GTF2IRD1: variants seen among roughly 807,000 people sequenced by gnomAD.
GTF2IRD1 encodes the protein general transcription factor II-I repeat domain-containing protein 1.
GTF2IRD1 carries 26 observed loss-of-function variants against 113.2 expected under a neutral mutation model. That is an observed-to-expected ratio of 0.23 (90% CI 0.17 to 0.32). The LOEUF (loss-of-function observed/expected upper bound fraction) is 0.32. GTF2IRD1 is among the 10% of genes least tolerant of loss of function. The pLI is 1.00. For missense variants in GTF2IRD1, 864 were observed against 1,280.8 expected, an observed-to-expected ratio of 0.67 and a Z score of 4.97; for synonymous variants, 484 against 529.1, an observed-to-expected ratio of 0.91 and a Z score of 1.17.
chr7:74,485,050 G>C lies in GTF2IRD1; in HGVS notation c.-6-23025G>C, dbSNP rs1471581092. Among the ~76,000 whole-genome samples the C allele has an allele frequency of 4.2e-4, 64 of 152,146 alleles. 1 individual carries two copies. On this transcript the variant is annotated intron_variant, in intron 1 of 26. Coordinates refer to ENST00000424337, the MANE Select transcript of GTF2IRD1 (RefSeq NM_005685.4). ...CCCACTGAGACTTCTTCTGGCCTCA[G>C]ATGCGTGGGTGGGAGACATGCCACC...
At chr7:74,501,619 G>C (rs1584535042) in intron 1 of GTF2IRD1, among the ~76,000 whole-genome samples, 1 of 152,216 alleles carries the variant, frequency 6.6e-6, no homozygotes, top group African/African-American at 2.4e-5. Flanking sequence ...TAAGGTGGTG[G>C]ATGGGGGAGG....
chr7:74,524,299 G>T, intron 8 of GTF2IRD1, 145 bp downstream of exon 8: 1 of 610,014 alleles, frequency 1.6e-6, no homozygotes. Context: ...CATCCGTCGC[G>T]GGCTCCTCCT....
chr7:74,460,578 G>A (rs1793296406), intron 1 of GTF2IRD1, among the ~76,000 whole-genome samples: 1 of 152,036 alleles, frequency 6.6e-6, no homozygotes, highest in Non-Finnish European at 1.5e-5. Flanking sequence ...TGGCTCGAGG[G>A]TCTAGATCTC....
At chr7:74,530,586 TAA>T (rs58675988) in intron 9 of GTF2IRD1, among the ~76,000 whole-genome samples, 31 of 38,960 alleles carry the variant, frequency 8.0e-4, no homozygotes, top group Non-Finnish European at 1.2e-3. Flanking sequence ...CCCTGTTTCT[TAA>T]AAAAAAAAAA....
chr7:74,570,569 G>A (rs1311487222), intron 22 of GTF2IRD1, among the ~76,000 whole-genome samples: 9 of 151,978 alleles, frequency 5.9e-5, no homozygotes, highest in Non-Finnish European at 1.2e-4. Flanking sequence ...AGGGAGGATC[G>A]CTTGAGCCCA....
intron 8 of GTF2IRD1, among the ~76,000 whole-genome samples, chr7:74,528,750 G>GATGGATGGATGA (rs1554347803): frequency 8.3e-6 from 1 of 120,594 alleles, no homozygotes; most frequent in African/African-American, 3.3e-5. Context: ...TGGATGGATG[G>GATGGATGGATGA]ATGGATGAAT....
In GTF2IRD1 at chr7:74,508,058, C is replaced by A; in HGVS notation, c.-6-17C>A. On this transcript the variant is annotated splice_polypyrimidine_tract_variant and intron_variant, in intron 1 of 26. Transcript: ENST00000424337. ...CCTGCCTTGTGCCCACCACCACTGC[C>A]TCCTCCCTCCCCACAGGCGACCATG... The A allele has an allele frequency of 6.3e-7, 1 of 1,597,638 alleles. No homozygotes were observed. Among genetic ancestry groups the A allele is most frequent in the South Asian group, 1.1e-5 (1 of 89,700 alleles).
At chr7:74,574,150 A>ATTTTTT (rs71094796) in intron 22 of GTF2IRD1, among the ~76,000 whole-genome samples, 28 of 104,816 alleles carry the variant, frequency 2.7e-4, no homozygotes, top group African/African-American at 3.3e-4. Context: ...CACCAAGCTA[A>ATTTTTT]TTTTTTTTTT....
chr7:74,471,701 A>AAAAAAAAAAAAAAC (rs1554332421), intron 1 of GTF2IRD1, among the ~76,000 whole-genome samples: 1 of 134,708 alleles, frequency 7.4e-6, no homozygotes, highest in South Asian at 2.3e-4. Flanking sequence ...AAAAAAAAAA[A>AAAAAAAAAAAAAAC]CAAAAAAAAC....
chr7:74,548,760 T>C (rs1204134055), intron 17 of GTF2IRD1, among the ~76,000 whole-genome samples: 3 of 151,758 alleles, frequency 2.0e-5, no homozygotes, highest in African/African-American at 7.3e-5. Context: ...TTAAATTAGC[T>C]GGGCATGATG....
chr7:74,466,381 G>A (rs1192757082), intron 1 of GTF2IRD1, among the ~76,000 whole-genome samples: 3 of 152,130 alleles, frequency 2.0e-5, no homozygotes, highest in African/African-American at 7.2e-5. Flanking sequence ...TTGGCTCCAG[G>A]TAAAGATCTG....
At chr7:74,458,855 A>G (rs879987875) in intron 1 of GTF2IRD1, among the ~76,000 whole-genome samples, 50 of 70,192 alleles carry the variant, frequency 7.1e-4, no homozygotes, top group Non-Finnish European at 1.1e-3. Flanking sequence ...GGGTTTCACC[A>G]TGTTCGCCAG....
intron 1 of GTF2IRD1, among the ~76,000 whole-genome samples, chr7:74,473,739 T>C (rs1554332936): frequency 6.6e-6 from 1 of 151,834 alleles, no homozygotes; most frequent in Non-Finnish European, 1.5e-5. Flanking sequence ...GAACTGTCCA[T>C]AACCCACCCA....
intron 22 of GTF2IRD1, among the ~76,000 whole-genome samples, chr7:74,588,462 G>A (rs1488558982): frequency 2.0e-5 from 3 of 151,968 alleles, no homozygotes; most frequent in Non-Finnish European, 4.4e-5. Context: ...TTCTGTCCTG[G>A]TGGCTTCCCA....
chr7:74,596,638 G>A (rs1490781273), intron 25 of GTF2IRD1, among the ~76,000 whole-genome samples: 3 of 151,862 alleles, frequency 2.0e-5, no homozygotes, highest in African/African-American at 7.3e-5. Context: ...GCAAGACTCT[G>A]TCTCGAAAAG....
intron 1 of GTF2IRD1, among the ~76,000 whole-genome samples, chr7:74,468,401 T>C (rs1793860314): frequency 6.7e-6 from 1 of 149,928 alleles, no homozygotes; most frequent in Non-Finnish European, 1.5e-5. Flanking sequence ...GGCTCACTCC[T>C]GTAATCCCAG....
chr7:74,550,427 G>GA (rs34025078), intron 17 of GTF2IRD1, among the ~76,000 whole-genome samples: 54,581 of 145,152 alleles, frequency 0.38, 11,621 homozygotes, highest in African/African-American at 0.6. Flanking sequence ...CATCTCTAGG[G>GA]AAAAAAAAAA....
intron 22 of GTF2IRD1, among the ~76,000 whole-genome samples, chr7:74,568,826 AGAGG>A (rs148929160): frequency 0.19 from 28,144 of 151,822 alleles, 2,712 homozygotes; most frequent in Middle Eastern, 0.32. Context: ...TCAGGTTTCT[AGAGG>A]GAGGGCTGGA....
intron 1 of GTF2IRD1, among the ~76,000 whole-genome samples, chr7:74,458,658 CTTT>C (rs71094791): frequency 2.9e-5 from 4 of 139,892 alleles, no homozygotes; most frequent in Admixed American, 7.2e-5. Context: ...ACCCCCCTTT[CTTT>C]TTTTTTTTTT....
Sources: gnomAD v4.1 joint callset for allele counts (sites outside exome capture counted in the v4.1 genomes callset) on GRCh38, gnomAD v4.1.1 for gene constraint, MANE v1.5 for transcripts, NCBI Gene and HGNC (gene_info 2026-07-23, HGNC 2026-07-21) for gene names.